The following RP1 variants were observed in gnomAD, a reference collection of about 807,000 sequenced individuals.
The protein encoded by RP1 is oxygen-regulated protein 1.
RP1 carries 16 observed loss-of-function variants against 14.8 expected under a neutral mutation model. The ratio of observed to expected loss-of-function variants is 1.08; its 90% CI spans 0.73 to 1.65. RP1 has a LOEUF of 1.65. Among genes scored for constraint, RP1 ranks in the 40% most tolerant of loss-of-function variants. RP1 has a pLI of 0.00. For missense variants in RP1, 2,631 were observed against 2,535.0 expected (o/e 1.04, Z -0.81); for synonymous variants, 876 against 883.6 (o/e 0.99, Z 0.15).
intron 24 of RP1, among the ~76,000 whole-genome samples, chr8:54,828,882 C>CTTTTTTTTTTTTTTTTTT (rs201534661): frequency 1.3e-4 from 11 of 83,900 alleles, no homozygotes; most frequent in Non-Finnish European, 1.5e-4. Context: ...TCTTCTTCTT[C>CTTTTTTTTTTTTTTTTTT]TTTTTTTTTT....
chr8:54,843,914 C>G (rs899754049), intron 25 of RP1, among the ~76,000 whole-genome samples: 1 of 152,198 alleles, frequency 6.6e-6, no homozygotes, highest in African/African-American at 2.4e-5. Flanking sequence ...GACTAAGGGA[C>G]TAGGGAACTC....
Position 54,669,929 on chromosome 8 carries a change from A to G in RP1, c.1324-3921A>G, listed in dbSNP as rs1160076106. Among the ~76,000 whole-genome samples, 4 of 152,244 alleles carry G rather than the reference A, an allele frequency of 2.6e-5. No homozygotes were observed. The East Asian group carries it at 7.7e-4, about 29-fold the overall frequency. On this transcript the variant is annotated intron_variant, in intron 7 of 22. Coordinates refer to the RP1 transcript ENST00000636932. ...GCATTAGGAGAAATACCTAATGTAA[A>G]TTATGAGTTAATGAGTGCAGCAAAC...
At chr8:54,659,698 A>C (rs185114062) in intron 6 of RP1, among the ~76,000 whole-genome samples, 2 of 152,190 alleles carry the variant, frequency 1.3e-5, no homozygotes, top group Non-Finnish European at 2.9e-5. Flanking sequence ...TGTTTTGACT[A>C]TTCAGGGATC....
chr8:54,608,513 A>T (rs1805514546), intron 1 of RP1, among the ~76,000 whole-genome samples: 1 of 152,156 alleles, frequency 6.6e-6, no homozygotes, highest in Non-Finnish European at 1.5e-5. Context: ...TACACTGACT[A>T]TGAAAAAAAA....
chr8:54,614,080 A>G (rs1805657969), upstream of RP1, among the ~76,000 whole-genome samples: 1 of 152,258 alleles, frequency 6.6e-6, no homozygotes, highest in African/African-American at 2.4e-5. Context: ...CCTATAAAGC[A>G]GGTACTTTTC....
At chr8:54,787,604 G>A (rs553190514) in intron 24 of RP1, among the ~76,000 whole-genome samples, 7 of 152,170 alleles carry the variant, frequency 4.6e-5, no homozygotes, top group Admixed American at 1.3e-4. Context: ...AAATTGAAAC[G>A]CTAAATAGTA....
chr8:54,720,414 C>G (rs1808507394), intron 16 of RP1: 1 of 1,019,678 alleles, frequency 9.8e-7, no homozygotes, highest in Admixed American at 3.3e-5. Flanking sequence ...TGCTGCTAGG[C>G]TTTTTTGTTT....
intron 14 of RP1, among the ~76,000 whole-genome samples, chr8:54,702,761 T>C (rs1415078727): frequency 6.6e-6 from 1 of 152,204 alleles, no homozygotes; most frequent in Non-Finnish European, 1.5e-5. Flanking sequence ...AAAATTAGTA[T>C]AAATCCTCTC....
At chr8:54,759,522 T>C (rs1809587767) in intron 22 of RP1, among the ~76,000 whole-genome samples, 3 of 152,188 alleles carry the variant, frequency 2.0e-5, no homozygotes, top group Non-Finnish European at 4.4e-5. Context: ...GGACTTTCCT[T>C]GAGCCCCATG....
At chr8:54,677,722 G>A (rs945563415) in intron 8 of RP1, among the ~76,000 whole-genome samples, 5 of 151,990 alleles carry the variant, frequency 3.3e-5, no homozygotes, top group African/African-American at 1.2e-4. Context: ...GTGAGCCTCT[G>A]TCTCTAAACA....
At chr8:54,837,409 A>T (rs1811685684) in intron 24 of RP1, 1 of 872,346 alleles carries the variant, frequency 1.1e-6, no homozygotes, top group Non-Finnish European at 1.5e-6. Context: ...GAAATTGGAG[A>T]TGTAGGGAGT....
chr8:54,742,896 A>G (rs1426014662), intron 19 of RP1, among the ~76,000 whole-genome samples: 2 of 152,182 alleles, frequency 1.3e-5, no homozygotes, highest in Non-Finnish European at 2.9e-5. Context: ...AACTGGAGGA[A>G]AAAACATCCC....
At chr8:54,599,923 C>G (rs1169531549) in intron 1 of RP1, among the ~76,000 whole-genome samples, 1 of 152,148 alleles carries the variant, frequency 6.6e-6, no homozygotes, top group Non-Finnish European at 1.5e-5. Flanking sequence ...GGAAAGGGAA[C>G]TCACTCCTCT....
chr8:54,670,064 A>G (rs1807117558), intron 7 of RP1, among the ~76,000 whole-genome samples: 1 of 152,092 alleles, frequency 6.6e-6, no homozygotes, highest in Non-Finnish European at 1.5e-5. Flanking sequence ...AGAAAAAAAG[A>G]GTGAATTTTT....
At chr8:54,689,380 T>C (rs1807652299) in intron 12 of RP1, among the ~76,000 whole-genome samples, 1 of 152,170 alleles carries the variant, frequency 6.6e-6, no homozygotes, top group African/African-American at 2.4e-5. Context: ...AGGGCATCCC[T>C]GTCTCGTTAC....
At chr8:54,614,433 T>C (rs1199586577), upstream of RP1, among the ~76,000 whole-genome samples, 14 of 152,050 alleles carry the variant, frequency 9.2e-5, no homozygotes, top group Admixed American at 9.2e-4. Flanking sequence ...AGCATCAGCT[T>C]ATTAGAAATG....
At chr8:54,666,232 A>G (rs1285690806) in intron 7 of RP1, among the ~76,000 whole-genome samples, 2 of 152,154 alleles carry the variant, frequency 1.3e-5, no homozygotes, top group Admixed American at 1.3e-4. Flanking sequence ...CACCAACCAG[A>G]TGCTGGCTAA....
intron 24 of RP1, among the ~76,000 whole-genome samples, chr8:54,831,807 G>T (rs534301635): frequency 6.6e-6 from 1 of 150,780 alleles, no homozygotes; most frequent in African/African-American, 2.4e-5. Context: ...TAAACCTGAA[G>T]AACTTCTCTT....
At chr8:54,758,238 A>C (rs2129368723) in intron 21 of RP1, among the ~76,000 whole-genome samples, 1 of 152,324 alleles carries the variant, frequency 6.6e-6, no homozygotes, top group African/African-American at 2.4e-5. Flanking sequence ...ATCTACGAGA[A>C]AGTAATGTGT....
Sources: gnomAD v4.1 joint callset for allele counts (sites outside exome capture counted in the v4.1 genomes callset) on GRCh38, gnomAD v4.1.1 for gene constraint, MANE v1.5 for transcripts, NCBI Gene and HGNC (gene_info 2026-07-23, HGNC 2026-07-21) for gene names.